LRRC4C: variants seen among roughly 807,000 people sequenced by gnomAD.
LRRC4C encodes leucine rich repeat containing 4C, also known as leucine-rich repeat-containing protein 4C.
Under a neutral mutation model 33.6 loss-of-function variants are expected in LRRC4C, and 5 were observed. The ratio of observed to expected loss-of-function variants is 0.15; its 90% CI spans 0.08 to 0.31. The LOEUF is 0.31. Among genes scored for constraint, LRRC4C ranks in the 10% least tolerant of loss-of-function variants. LRRC4C has a pLI of 1.00. For synonymous variants in LRRC4C, 329 were observed against 302.0 expected (o/e 1.09, Z -0.93); for missense variants, 560 against 796.7 (o/e 0.70, Z 3.58).
chr11:40,890,158 A>G (rs1482302508), intron 2 of LRRC4C, among the ~76,000 whole-genome samples: 1 of 152,192 alleles, frequency 6.6e-6, no homozygotes, highest in East Asian at 1.9e-4. Flanking sequence ...AAAGGAAAAC[A>G]CATACCCTGC....
chr11:40,233,547 C>T (rs535860845), intron 5 of LRRC4C, among the ~76,000 whole-genome samples: 1 of 151,974 alleles, frequency 6.6e-6, no homozygotes, highest in Admixed American at 6.6e-5. Flanking sequence ...GCAAATGATA[C>T]AAAAACAGTA....
chr11:40,933,351 C>G (rs1438579778), intron 2 of LRRC4C, among the ~76,000 whole-genome samples: 1 of 152,224 alleles, frequency 6.6e-6, no homozygotes, highest in Non-Finnish European at 1.5e-5. Flanking sequence ...CCAGTGAGAG[C>G]CTGGCCCATG....
intron 5 of LRRC4C, among the ~76,000 whole-genome samples, chr11:40,207,918 A>G (rs72889359): frequency 0.067 from 10,241 of 152,214 alleles, 479 homozygotes; most frequent in Non-Finnish European, 0.093. Flanking sequence ...CAGAGCCTCA[A>G]TGGAGCACTC....
chr11:40,128,964 G>C (rs11035706), intron 6 of LRRC4C, among the ~76,000 whole-genome samples: 3 of 151,594 alleles, frequency 2.0e-5, no homozygotes, highest in Non-Finnish European at 4.4e-5. Flanking sequence ...TTTCTCATAC[G>C]CTCAGGTGCA....
Position 40,862,081 on chromosome 11 carries a change from G to T in LRRC4C, c.-407+71554C>A, listed in dbSNP as rs138286995. Among the ~76,000 whole-genome samples, 290 of 152,282 alleles carry T rather than the reference G, an allele frequency of 1.9e-3. 1 individual carries two copies. The highest frequency in any genetic ancestry group is 6.7e-3 in the African/African-American group (280 of 41,558). On this transcript the variant is annotated intron_variant, in intron 2 of 6. Transcript: ENST00000528697. The stretch of plus-strand genomic sequence containing the variant: ...TCTGTACCTCTGACAGGACATGGGA[G>T]GGTAGGGAAAAGAAGGTCCATTCAT...
intron 1 of LRRC4C, among the ~76,000 whole-genome samples, chr11:41,421,625 A>G (rs1035704759): frequency 3.3e-5 from 5 of 152,052 alleles, no homozygotes; most frequent in African/African-American, 1.2e-4. Context: ...CTGGAGGGGA[A>G]AGAAAAATGC....
At chr11:41,458,360 C>A (rs1167508724) in intron 1 of LRRC4C, among the ~76,000 whole-genome samples, 6 of 152,144 alleles carry the variant, frequency 3.9e-5, no homozygotes, top group Admixed American at 2.0e-4. Context: ...TTTTAGAAAC[C>A]TATTTACAAG....
chr11:41,211,158 A>G lies in LRRC4C; in HGVS notation c.-496+248273T>C, dbSNP rs532727162. ...CTGGTTTAAATGATAGAAAGAAGCTATATTTAGAAAAGACTGGAGATGGTA... is the reference window on the plus strand; with the variant it reads ...CTGGTTTAAATGATAGAAAGAAGCTGTATTTAGAAAAGACTGGAGATGGTA... On this transcript the variant is annotated intron_variant, in intron 1 of 6. Coordinates refer to ENST00000528697, the MANE Select transcript of LRRC4C (RefSeq NM_001258419.2). Among the ~76,000 whole-genome samples, 18 of 152,236 alleles carry G rather than the reference A, an allele frequency of 1.2e-4. No individual in the cohort carries two copies. In the East Asian group the frequency reaches 3.3e-3, roughly 28 times the overall value.
At chr11:41,410,761 C>T (rs999537443) in intron 1 of LRRC4C, among the ~76,000 whole-genome samples, 8 of 151,992 alleles carry the variant, frequency 5.3e-5, no homozygotes, top group African/African-American at 1.9e-4. Context: ...TTTTATGGAA[C>T]AACACCCGTT....
chr11:40,317,172 A>G (rs1945613633), intron 4 of LRRC4C, among the ~76,000 whole-genome samples: 1 of 148,222 alleles, frequency 6.7e-6, no homozygotes, highest in Non-Finnish European at 1.5e-5. Flanking sequence ...AAGGTCCTAA[A>G]TTAGGGTATT....
chr11:40,426,045 G>C (rs143310411), intron 3 of LRRC4C, among the ~76,000 whole-genome samples: 1 of 141,236 alleles, frequency 7.1e-6, no homozygotes, highest in African/African-American at 2.6e-5. Context: ...ACAGAGTCTC[G>C]CTCTGTCACC....
At chr11:40,897,561 T>A (rs1160353307) in intron 2 of LRRC4C, among the ~76,000 whole-genome samples, 2 of 152,126 alleles carry the variant, frequency 1.3e-5, no homozygotes, top group African/African-American at 4.8e-5. Flanking sequence ...AATGTTTAAA[T>A]CAAAAATTTA....
At chr11:40,374,935 C>G (rs1948598266) in intron 3 of LRRC4C, among the ~76,000 whole-genome samples, 1 of 152,054 alleles carries the variant, frequency 6.6e-6, no homozygotes, top group African/African-American at 2.4e-5. Context: ...TGTGAAAGGT[C>G]CAAAGTCACA....
intron 3 of LRRC4C, among the ~76,000 whole-genome samples, chr11:40,429,568 T>TA (rs59538764): frequency 0.37 from 55,257 of 147,626 alleles, 10,722 homozygotes; most frequent in East Asian, 0.53. Flanking sequence ...GCAATAATAA[T>TA]AAAAAAAAAA....
At chr11:41,442,963 G>A (rs1955686926) in intron 1 of LRRC4C, among the ~76,000 whole-genome samples, 1 of 151,986 alleles carries the variant, frequency 6.6e-6, no homozygotes, top group Non-Finnish European at 1.5e-5. Flanking sequence ...TTTAACAAAG[G>A]AAAAAGCTGA....
chr11:41,276,808 T>C (rs1949498887), intron 1 of LRRC4C, among the ~76,000 whole-genome samples: 1 of 152,102 alleles, frequency 6.6e-6, no homozygotes, highest in Admixed American at 6.6e-5. Context: ...AGAAAAGATA[T>C]GTAAAGCTAC....
At chr11:40,181,597 A>G (rs1861007890) in intron 5 of LRRC4C, among the ~76,000 whole-genome samples, 1 of 152,230 alleles carries the variant, frequency 6.6e-6, no homozygotes, top group African/African-American at 2.4e-5. Flanking sequence ...TATGTAAAAC[A>G]GGACTTGCTA....
intron 1 of LRRC4C, among the ~76,000 whole-genome samples, chr11:41,443,058 T>C (rs866758995): frequency 7.7e-5 from 11 of 143,106 alleles, no homozygotes; most frequent in African/African-American, 2.7e-4. Flanking sequence ...AGTTATTTAT[T>C]TATTTATTTA....
intron 5 of LRRC4C, among the ~76,000 whole-genome samples, chr11:40,225,987 A>C (rs901568754): frequency 6.6e-5 from 10 of 152,220 alleles, no homozygotes; most frequent in African/African-American, 2.2e-4. Context: ...TCTAACTGAG[A>C]GACTACATAG....
Sources: gnomAD v4.1 joint callset for allele counts (sites outside exome capture counted in the v4.1 genomes callset) on GRCh38, gnomAD v4.1.1 for gene constraint, MANE v1.5 for transcripts, NCBI Gene and HGNC (gene_info 2026-07-23, HGNC 2026-07-21) for gene names.